The following IQGAP1 variants were observed in gnomAD, a reference collection of about 807,000 sequenced individuals.
IQGAP1 encodes ras GTPase-activating-like protein IQGAP1.
IQGAP1 carries 66 observed loss-of-function variants against 215.6 expected under a neutral mutation model. The ratio of observed to expected loss-of-function variants is 0.31; its 90% CI spans 0.25 to 0.38. The LOEUF (loss-of-function observed/expected upper bound fraction) is 0.38, where lower values mean the gene tolerates loss of function less well. Ranked by LOEUF, IQGAP1 falls within the 10% of genes least tolerant of loss-of-function variation. The pLI is 1.00. For synonymous variants in IQGAP1, 772 were observed against 728.7 expected, an observed-to-expected ratio of 1.06 and a Z score of -0.96; for missense variants, 1,712 against 1,997.1, an observed-to-expected ratio of 0.86 and a Z score of 2.72.
chr15:90,492,419 TAAA>T (rs56724183), intron 34 of IQGAP1, 123 bp from the exon 35 acceptor site: 6,610 of 367,352 alleles, frequency 0.018, no homozygotes, highest in South Asian at 0.027. Context: ...ACAGAGTGTC[TAAA>T]AAAAAAAAAA....
intron 8 of IQGAP1, among the ~76,000 whole-genome samples, chr15:90,443,128 A>C (rs1026381319): frequency 9.2e-5 from 14 of 152,104 alleles, no homozygotes; most frequent in African/African-American, 3.4e-4. Flanking sequence ...TGGGCTAATA[A>C]AAAAAAGTTT....
intron 35 of IQGAP1, chr15:90,494,240 GT>G (rs1966243558): frequency 6.6e-6 from 1 of 152,348 alleles, no homozygotes; most frequent in Non-Finnish European, 1.5e-5. Context: ...CTCCTAACCT[GT>G]TTCTTTTTCC....
At chr15:90,495,740 C>A (rs1426168094) in intron 36 of IQGAP1, among the ~76,000 whole-genome samples, 2 of 149,234 alleles carry the variant, frequency 1.3e-5, no homozygotes. Context: ...CAGGTTCAAG[C>A]AATTCTCCCA....
chr15:90,440,721 T>A, intron 7 of IQGAP1, 106 bp downstream of exon 7: 1 of 699,970 alleles, frequency 1.4e-6, no homozygotes, highest in Non-Finnish European at 2.5e-6. Context: ...GCCAGCAAGT[T>A]TAAGTCCACA....
intron 35 of IQGAP1, among the ~76,000 whole-genome samples, chr15:90,493,133 C>T (rs561947562): frequency 6.6e-6 from 1 of 151,936 alleles, no homozygotes; most frequent in East Asian, 1.9e-4. Flanking sequence ...GTCCCAGCTA[C>T]TTGGGAGGCT....
chr15:90,396,857 T>A (rs1596246507), intron 2 of IQGAP1, among the ~76,000 whole-genome samples: 1 of 149,272 alleles, frequency 6.7e-6, no homozygotes, highest in African/African-American at 2.4e-5. Context: ...CAAAAAAAAT[T>A]TTTTTTTTTT....
intron 2 of IQGAP1, among the ~76,000 whole-genome samples, chr15:90,417,263 C>T (rs1191427684): frequency 2.0e-5 from 3 of 152,252 alleles, no homozygotes; most frequent in South Asian, 2.1e-4. Flanking sequence ...TTTGGTGTTT[C>T]AGACATGAAG....
chr15:90,408,554 G>A (rs1180437608), intron 2 of IQGAP1, among the ~76,000 whole-genome samples: 3 of 152,162 alleles, frequency 2.0e-5, no homozygotes, highest in Admixed American at 6.5e-5. Context: ...ATTTCTGATG[G>A]TAGGTCATGA....
intron 2 of IQGAP1, among the ~76,000 whole-genome samples, chr15:90,423,112 T>C (rs1281044890): frequency 6.6e-6 from 1 of 152,164 alleles, no homozygotes; most frequent in Non-Finnish European, 1.5e-5. Context: ...GGAAATCTCA[T>C]GTGAGCTGTA....
chr15:90,401,680 A>G (rs1964806994), intron 2 of IQGAP1, among the ~76,000 whole-genome samples: 1 of 152,240 alleles, frequency 6.6e-6, no homozygotes, highest in African/African-American at 2.4e-5. Context: ...CATTTAACAG[A>G]TAAGAAAGCA....
At chr15:90,464,835 G>C (rs936999513) in intron 15 of IQGAP1, among the ~76,000 whole-genome samples, 1 of 150,396 alleles carries the variant, frequency 6.6e-6, no homozygotes, top group Non-Finnish European at 1.5e-5. Context: ...CTGAGTGACA[G>C]AGCGAGACTC....
At chr15:90,456,989 A>AAT (rs1555439044) in intron 15 of IQGAP1, among the ~76,000 whole-genome samples, 34 of 146,882 alleles carry the variant, frequency 2.3e-4, no homozygotes, top group South Asian at 2.1e-3. Context: ...CAGAAAAAAA[A>AAT]ATATATATAT....
At chr15:90,474,727 G>A (rs1965953673) in intron 23 of IQGAP1, 34 bp downstream of exon 23, 3 of 1,501,284 alleles carry the variant, frequency 2.0e-6, no homozygotes, top group Non-Finnish European at 2.8e-6. Context: ...CCTTGGAACG[G>A]TTCATCCTGC....
chr15:90,453,231 T>C lies in IQGAP1; in HGVS notation c.1426T>C (p.Trp476Arg). The part of the protein sequence containing the change: ...ALESGDVNTV[W>R]KQLSSSVTGL... Reference sequence around the variant, plus strand: ...GGAATCAGGAGATGTGAATACAGTGTGGAAGCAATTGAGCAGTTCAGTTAC... The same window carrying C: ...GGAATCAGGAGATGTGAATACAGTGCGGAAGCAATTGAGCAGTTCAGTTAC... The change falls in exon 13 of 38, where the codon TGG becomes CGG. Residue 476 changes from tryptophan to arginine, a missense_variant. Trp to Arg is a moderately radical substitution (Grantham distance 101). Coordinates refer to ENST00000268182, the MANE Select transcript of IQGAP1 (RefSeq NM_003870.4). The C allele has an allele frequency of 1.9e-6, 3 of 1,614,022 alleles. No homozygotes were observed. The highest frequency in any genetic ancestry group is 1.3e-5 in the African/African-American group (1 of 75,022).
intron 2 of IQGAP1, among the ~76,000 whole-genome samples, chr15:90,400,550 C>T (rs543960566): frequency 1.5e-4 from 23 of 152,104 alleles, no homozygotes; most frequent in Non-Finnish European, 3.2e-4. Context: ...CCTTTATAAT[C>T]CGTAGGTGTT....
At chr15:90,416,669 C>A (rs1411001814) in intron 2 of IQGAP1, among the ~76,000 whole-genome samples, 1 of 152,018 alleles carries the variant, frequency 6.6e-6, no homozygotes, top group African/African-American at 2.4e-5. Context: ...GCTTCACCTC[C>A]CGTGTTCACG....
chr15:90,485,559 C>T (rs956035524), intron 30 of IQGAP1, among the ~76,000 whole-genome samples: 2 of 152,146 alleles, frequency 1.3e-5, no homozygotes, highest in African/African-American at 4.8e-5. Flanking sequence ...TCTGCATCAG[C>T]CTCCCTAGTA....
intron 26 of IQGAP1, among the ~76,000 whole-genome samples, chr15:90,478,173 G>T (rs1040793300): frequency 2.0e-5 from 3 of 151,930 alleles, no homozygotes; most frequent in Non-Finnish European, 4.4e-5. Context: ...TGTATTTTTA[G>T]TAAGACTGGG....
intron 4 of IQGAP1, among the ~76,000 whole-genome samples, chr15:90,431,601 T>G (rs1965304414): frequency 1.3e-5 from 2 of 152,344 alleles, no homozygotes; most frequent in Middle Eastern, 3.4e-3. Flanking sequence ...TGTCCTGGAC[T>G]ACAATTGCAA....
Sources: gnomAD v4.1 joint callset for allele counts (sites outside exome capture counted in the v4.1 genomes callset) on GRCh38, gnomAD v4.1.1 for gene constraint, MANE v1.5 for transcripts, NCBI Gene and HGNC (gene_info 2026-07-23, HGNC 2026-07-21) for gene names.